The following VMP1 variants were observed in gnomAD, a reference collection of about 807,000 sequenced individuals.
VMP1 encodes the protein vacuole membrane protein 1.
VMP1 carries 11 observed loss-of-function variants against 56.0 expected under a neutral mutation model. The ratio of observed to expected loss-of-function variants is 0.20; its 90% CI spans 0.12 to 0.32. VMP1 has a LOEUF of 0.32. Ranked by LOEUF, VMP1 falls within the 10% of genes least tolerant of loss-of-function variation. The pLI is 1.00. For missense variants in VMP1, 296 were observed against 490.3 expected (o/e 0.60, Z 3.74); for synonymous variants, 149 against 165.0 (o/e 0.90, Z 0.74).
intron 7 of VMP1, among the ~76,000 whole-genome samples, chr17:59,798,319 G>T (rs1269914692): frequency 6.6e-6 from 1 of 152,164 alleles, no homozygotes; most frequent in Admixed American, 6.5e-5. Flanking sequence ...TGTATTTCCT[G>T]TGTGTATACA....
chr17:59,788,929 TTAAAC>T (rs1003580404), intron 7 of VMP1, among the ~76,000 whole-genome samples: 1 of 151,866 alleles, frequency 6.6e-6, no homozygotes, highest in Non-Finnish European at 1.5e-5. Context: ...GTTACCTTTG[TTAAAC>T]TAAAGTCTTT....
At chr17:59,830,344 G>A (rs2038768591) in intron 10 of VMP1, among the ~76,000 whole-genome samples, 1 of 152,086 alleles carries the variant, frequency 6.6e-6, no homozygotes, top group South Asian at 2.1e-4. Flanking sequence ...ATTACAGTGA[G>A]CCACCAAGCT....
chr17:59,801,332 A>G (rs1249194701), intron 7 of VMP1, among the ~76,000 whole-genome samples: 1 of 151,396 alleles, frequency 6.6e-6, no homozygotes, highest in East Asian at 1.9e-4. Flanking sequence ...TGTAGCCTCA[A>G]CTTCCTGGGC....
chr17:59,720,822 C>A (rs8064521), intron 1 of VMP1, among the ~76,000 whole-genome samples: 129,624 of 151,844 alleles, frequency 0.85, 55,451 homozygotes, highest in East Asian at 0.95. Context: ...AAATACAAAA[C>A]ATTAGCCAGG....
intron 10 of VMP1, among the ~76,000 whole-genome samples, chr17:59,832,182 CTTT>C (rs766864144): frequency 0.013 from 1,362 of 102,654 alleles, 4 homozygotes; most frequent in African/African-American, 0.051. Context: ...ATGAGATCAA[CTTT>C]TTTTTTTTTT....
At chr17:59,771,953 CTCTG>C (rs560915170) in intron 6 of VMP1, among the ~76,000 whole-genome samples, 88 of 152,112 alleles carry the variant, frequency 5.8e-4, no homozygotes, top group African/African-American at 1.9e-3. Flanking sequence ...CTCCTGCCTT[CTCTG>C]TCTGTTTTTT....
At chr17:59,754,743 C>T (rs879496436) in intron 5 of VMP1, among the ~76,000 whole-genome samples, 2 of 152,104 alleles carry the variant, frequency 1.3e-5, no homozygotes, top group Admixed American at 6.6e-5. Context: ...AGCTCTTCTC[C>T]CTGTCTTTCC....
At position 59,756,290 on chromosome 17, in the gene VMP1, G is replaced by A. The variant is rs1182397226; in HGVS notation, c.415-8681G>A. Among the ~76,000 whole-genome samples the A allele has an allele frequency of 2.0e-5, 3 of 152,152 alleles. No homozygotes were observed. In the East Asian group the frequency reaches 5.8e-4, roughly 29 times the overall value. On this transcript the variant is annotated intron_variant, in intron 5 of 11. Transcript: ENST00000262291. ...TCCCCTGAAAGAAAACAAAGGTTTT[G>A]CAAGTCATACAAACAACCATTTTTC...
intron 5 of VMP1, among the ~76,000 whole-genome samples, chr17:59,743,805 C>T (rs1284726041): frequency 6.6e-6 from 1 of 151,764 alleles, no homozygotes; most frequent in Non-Finnish European, 1.5e-5. Context: ...TTTGATGATT[C>T]CTTATGATTT....
intron 9 of VMP1, among the ~76,000 whole-genome samples, chr17:59,817,121 A>G (rs999473582): frequency 6.7e-5 from 10 of 150,276 alleles, no homozygotes; most frequent in Non-Finnish European, 1.0e-4. Flanking sequence ...ATACAAAAAA[A>G]AATTAGCTGG....
chr17:59,725,164 A>G (rs774538670), intron 1 of VMP1, among the ~76,000 whole-genome samples: 11 of 152,134 alleles, frequency 7.2e-5, no homozygotes, highest in African/African-American at 9.7e-5. Context: ...CAAAATAATA[A>G]TGATAATAAT....
chr17:59,839,733 T>C, intron 11 of VMP1, 35 bp from the exon 12 acceptor site: 1 of 1,580,410 alleles, frequency 6.3e-7, no homozygotes, highest in South Asian at 1.2e-5. Flanking sequence ...TAATGAAGCC[T>C]TTTTCATTGC....
chr17:59,754,415 T>G (rs1268687057), intron 5 of VMP1, among the ~76,000 whole-genome samples: 4 of 152,174 alleles, frequency 2.6e-5, no homozygotes, highest in Admixed American at 6.5e-5. Context: ...TGAAATAAAA[T>G]AGTGAAATAG....
chr17:59,824,580 A>G (rs1490399140), intron 10 of VMP1, among the ~76,000 whole-genome samples: 2 of 148,836 alleles, frequency 1.3e-5, no homozygotes, highest in Non-Finnish European at 3.0e-5. Flanking sequence ...CTAAAAAAAA[A>G]AAAAAAAAAG....
intron 7 of VMP1, among the ~76,000 whole-genome samples, chr17:59,795,410 C>G (rs1215373252): frequency 6.8e-6 from 1 of 146,136 alleles, no homozygotes; most frequent in African/African-American, 2.5e-5. Context: ...AACCACTGTG[C>G]CTGGCCGATA....
chr17:59,776,628 C>G (rs1029116178), intron 7 of VMP1, among the ~76,000 whole-genome samples: 1 of 152,178 alleles, frequency 6.6e-6, no homozygotes, highest in Admixed American at 6.5e-5. Flanking sequence ...AGAACAAAAA[C>G]TCAGAATGCC....
rs1471713395 is a variant in VMP1, at chr17:59,840,844, A to C, written c.*933A>C. ...CAGGAGAGGAGAAATATCTCATACA[A>C]GTGAAAGGATACTGGAGAGAGAAAT... On this transcript the variant is annotated 3_prime_UTR_variant, in exon 12 of 12. Transcript: ENST00000262291. 1 of 153,254 alleles carries C rather than the reference A, an allele frequency of 6.5e-6. No homozygotes were observed. Among genetic ancestry groups the C allele is most frequent in the East Asian group, 1.9e-4 (1 of 5,246 alleles). 9.5% of individuals were successfully genotyped at this position (153,254 alleles called of 1,614,324 possible). A position where few individuals can be genotyped will look rare whatever the true frequency, so the allele number is the denominator to read the frequency against.
intron 5 of VMP1, among the ~76,000 whole-genome samples, chr17:59,763,858 C>T (rs971096507): frequency 2.6e-5 from 4 of 152,052 alleles, no homozygotes; most frequent in Non-Finnish European, 4.4e-5. Flanking sequence ...AATAAAATCT[C>T]GTGTATATAT....
At chr17:59,813,671 C>A (rs1307102196) in intron 9 of VMP1, among the ~76,000 whole-genome samples, 1 of 150,924 alleles carries the variant, frequency 6.6e-6, no homozygotes, top group African/African-American at 2.4e-5. Context: ...ATAGGTTTTT[C>A]TTTAATCTTT....
Sources: gnomAD v4.1 joint callset for allele counts (sites outside exome capture counted in the v4.1 genomes callset) on GRCh38, gnomAD v4.1.1 for gene constraint, MANE v1.5 for transcripts, NCBI Gene and HGNC (gene_info 2026-07-23, HGNC 2026-07-21) for gene names.